The following EMILIN2 variants were observed in gnomAD, a reference collection of about 807,000 sequenced individuals.
The protein encoded by EMILIN2 is elastin microfibril interfacer 2.
EMILIN2 carries 71 observed loss-of-function variants against 87.1 expected under a neutral mutation model. That is an observed-to-expected ratio of 0.82 (90% confidence interval 0.67 to 0.99). EMILIN2 has a LOEUF of 0.99. Ranked by LOEUF, EMILIN2 falls within the 50% of genes least tolerant of loss-of-function variation. The pLI, the probability that EMILIN2 is intolerant of heterozygous loss-of-function variation, is 0.00. For synonymous variants in EMILIN2, 581 were observed against 563.4 expected (o/e 1.03, Z -0.44); for missense variants, 1,407 against 1,371.8 (o/e 1.03, Z -0.40).
rs369228714 is a variant in EMILIN2 at position 2,891,077 on chromosome 18, A to G, written c.950A>G (p.Tyr317Cys). 3.7e-6 allele frequency: 6 copies of G among 1,614,080 alleles called. No homozygotes were observed. Among genetic ancestry groups the G allele is most frequent in the African/African-American group, 1.3e-5 (1 of 74,940 alleles). The change falls in exon 4 of 8, where the codon TAT becomes TGT. Residue 317 changes from tyrosine to cysteine, a missense_variant. Physicochemically the swap from Tyr to Cys is radical, Grantham distance 194. Transcript: ENST00000254528. The surrounding 1 kb of genome is among the most constrained non-coding windows in gnomAD (Gnocchi z 4.6). The part of the protein sequence containing the change: ...TMTTNELYQA[Y>C]VDSKIDALRE... The stretch of plus-strand genomic sequence containing the variant: ...ACAACCAACGAACTCTACCAAGCCT[A>G]TGTGGACAGTAAGATCGACGCCCTG...
At chr18:2,866,347 A>G (rs1164991926) in intron 2 of EMILIN2, among the ~76,000 whole-genome samples, 2 of 152,010 alleles carry the variant, frequency 1.3e-5, no homozygotes, top group African/African-American at 2.4e-5. Context: ...CTTCCCCTCT[A>G]TGATTTCTTT....
chr18:2,850,585 A>G (rs965746724), intron 2 of EMILIN2, among the ~76,000 whole-genome samples: 6 of 151,304 alleles, frequency 4.0e-5, no homozygotes, highest in African/African-American at 1.5e-4. Flanking sequence ...TTTTATTTTT[A>G]TTTTTTTAGG....
chr18:2,900,289 G>A (rs1278989119), intron 4 of EMILIN2, among the ~76,000 whole-genome samples: 2 of 152,180 alleles, frequency 1.3e-5, no homozygotes, highest in Non-Finnish European at 1.5e-5. Context: ...CTGGGCTCAT[G>A]CTATCCTCCT....
intron 2 of EMILIN2, among the ~76,000 whole-genome samples, chr18:2,868,601 C>T (rs1265025312): frequency 6.6e-6 from 1 of 152,238 alleles, no homozygotes; most frequent in African/African-American, 2.4e-5. Context: ...GGAGACCAGC[C>T]CGGCCAACAC....
chr18:2,897,118 T>C (rs2076867356), intron 4 of EMILIN2, among the ~76,000 whole-genome samples: 1 of 152,120 alleles, frequency 6.6e-6, no homozygotes, highest in African/African-American at 2.4e-5. Context: ...TCATCAGCAA[T>C]GAGGTCAAAG....
chr18:2,903,104 A>G (rs1207354442), intron 4 of EMILIN2, among the ~76,000 whole-genome samples: 1 of 148,164 alleles, frequency 6.7e-6, no homozygotes, highest in African/African-American at 2.5e-5. Flanking sequence ...GGAAGAAACT[A>G]GTGGGGAGGA....
intron 2 of EMILIN2, among the ~76,000 whole-genome samples, chr18:2,853,452 A>G (rs1412015809): frequency 2.6e-5 from 4 of 151,950 alleles, no homozygotes; most frequent in African/African-American, 9.7e-5. Flanking sequence ...ATGTGGAGAC[A>G]TGGAATCGGA....
intron 2 of EMILIN2, among the ~76,000 whole-genome samples, chr18:2,864,666 A>G (rs2143976226): frequency 6.6e-6 from 1 of 152,062 alleles, no homozygotes; most frequent in Middle Eastern, 3.4e-3. Context: ...CCTTCATTTC[A>G]ACTTTGGTGA....
In EMILIN2 at chr18:2,848,012, C is replaced by T; in HGVS notation, c.257+81C>T. The T allele has an allele frequency of 7.0e-7, 1 of 1,433,178 alleles. No homozygotes were observed. The highest frequency in any genetic ancestry group is 1.4e-5 in the South Asian group (1 of 73,598). 88.8% of individuals were successfully genotyped at this position (1,433,178 alleles called of 1,614,324 possible). On this transcript the variant is annotated intron_variant, in intron 2 of 7. Transcript: ENST00000254528. This position sits in a 1 kb window ranked among gnomAD's most constrained non-coding sequence, Gnocchi z 4.1. ...TGGGGTGGGGTTGCTGCGCTGGGCTCCAGTCCCTCCGGTAAATCCCTTCCA... is the reference window on the plus strand; with the variant it reads ...TGGGGTGGGGTTGCTGCGCTGGGCTTCAGTCCCTCCGGTAAATCCCTTCCA...
intron 2 of EMILIN2, among the ~76,000 whole-genome samples, chr18:2,881,616 T>C (rs1388156302): frequency 2.6e-5 from 4 of 152,326 alleles, no homozygotes; most frequent in Admixed American, 2.0e-4. Flanking sequence ...CACAGGAGTG[T>C]GCTCTGCCTG....
chr18:2,913,651 A>ATTT lies in EMILIN2; in HGVS notation c.*247_*248insTTT. On this transcript the variant is annotated 3_prime_UTR_variant, in exon 8 of 8. Transcript: ENST00000254528. ...CTAACTGGACAACTGGAAGACTTGG[A>ATTT]AAGGCCTCCACCTGTATCTACACTC... is the stretch of plus-strand genomic sequence containing the variant. 8 of 384,890 alleles carry ATTT rather than the reference A, an allele frequency of 2.1e-5. No homozygotes were observed. Among genetic ancestry groups the ATTT allele is most frequent in the South Asian group, 4.8e-5 (1 of 20,888 alleles). The allele number at this position is 384,890 out of a possible 1,614,324, so 23.8% of individuals were successfully genotyped here.
At chr18:2,866,101 G>C (rs1019205103) in intron 2 of EMILIN2, among the ~76,000 whole-genome samples, 9 of 152,214 alleles carry the variant, frequency 5.9e-5, no homozygotes, top group African/African-American at 9.6e-5. Flanking sequence ...TCCAGGTGCT[G>C]TCTGTCACCC....
chr18:2,889,140 T>C (rs1223970300), intron 3 of EMILIN2, among the ~76,000 whole-genome samples: 3 of 133,076 alleles, frequency 2.3e-5, no homozygotes, highest in East Asian at 2.0e-4. Flanking sequence ...TTTCTTTTTT[T>C]TTTTTTTTTT....
Position 2,848,006 on chromosome 18 carries a change from T to C in EMILIN2, c.257+75T>C. On this transcript the variant is annotated intron_variant, in intron 2 of 7. Coordinates refer to ENST00000254528, the MANE Select transcript of EMILIN2 (RefSeq NM_032048.3). The surrounding 1 kb of genome is among the most constrained non-coding windows in gnomAD (Gnocchi z 4.1). ...TGGGGGTGGGGTGGGGTTGCTGCGC[T>C]GGGCTCCAGTCCCTCCGGTAAATCC... 2 of 1,455,682 alleles carry C rather than the reference T, an allele frequency of 1.4e-6. No individual in the cohort carries two copies. The highest frequency in any genetic ancestry group is 2.6e-5 in the South Asian group (2 of 75,874). 90.2% of individuals were successfully genotyped at this position (1,455,682 alleles called of 1,614,324 possible).
At chr18:2,896,612 C>G (rs1416628103) in intron 4 of EMILIN2, among the ~76,000 whole-genome samples, 1 of 152,162 alleles carries the variant, frequency 6.6e-6, no homozygotes, top group East Asian at 1.9e-4. Context: ...GTAGCTAGTA[C>G]TACTGGCACG....
At chr18:2,908,225 C>T (rs899753565) in intron 5 of EMILIN2, among the ~76,000 whole-genome samples, 7 of 152,204 alleles carry the variant, frequency 4.6e-5, no homozygotes, top group Non-Finnish European at 7.3e-5. Context: ...TGTCCATCCA[C>T]GCACCCTTCC....
At chr18:2,868,420 C>A (rs1405353875) in intron 2 of EMILIN2, among the ~76,000 whole-genome samples, 1 of 152,262 alleles carries the variant, frequency 6.6e-6, no homozygotes, top group Non-Finnish European at 1.5e-5. Flanking sequence ...AGACTGCAAT[C>A]TCGGCTCTTT....
At chr18:2,885,428 G>A (rs1417809080) in intron 3 of EMILIN2, among the ~76,000 whole-genome samples, 2 of 152,228 alleles carry the variant, frequency 1.3e-5, no homozygotes, top group African/African-American at 4.8e-5. Context: ...GTCACCTGGA[G>A]GCACAGCTGT....
intron 4 of EMILIN2, 187 bp from the exon 5 acceptor site, chr18:2,906,596 T>G: frequency 2.4e-6 from 1 of 423,520 alleles, no homozygotes; most frequent in Non-Finnish European, 3.9e-6. Flanking sequence ...GGCGTCCGGG[T>G]GGCCCGCGGC....
Sources: gnomAD v4.1 joint callset for allele counts (sites outside exome capture counted in the v4.1 genomes callset) on GRCh38, gnomAD v4.1.1 for gene constraint, Gnocchi (gnomAD v3.1) non-coding constraint, MANE v1.5 for transcripts, NCBI Gene and HGNC (gene_info 2026-07-23, HGNC 2026-07-21) for gene names.